The following ZNF236 variants were observed in gnomAD, a reference collection of about 807,000 sequenced individuals.
ZNF236 encodes the protein regulated by glucose.
ZNF236 carries 50 observed loss-of-function variants against 191.2 expected under a neutral mutation model. The observed-to-expected ratio is 0.26, with a 90% CI of 0.21 to 0.33. The LOEUF is 0.33. Among genes scored for constraint, ZNF236 ranks in the 10% least tolerant of loss-of-function variants. ZNF236 has a pLI of 1.00. For synonymous variants in ZNF236, 907 were observed against 928.8 expected (o/e 0.98, Z 0.43); for missense variants, 1,754 against 2,374.5 (o/e 0.74, Z 5.43).
At chr18:76,908,694 G>A in intron 14 of ZNF236, 121 bp downstream of exon 14, 1 of 1,268,676 alleles carries the variant, frequency 7.9e-7, no homozygotes, top group Non-Finnish European at 1.1e-6. Flanking sequence ...TGCTGTATGT[G>A]AAAGAGATTG....
chr18:76,964,647 C>T (rs1968732855), intron 30 of ZNF236, among the ~76,000 whole-genome samples: 4 of 152,122 alleles, frequency 2.6e-5, no homozygotes, highest in Admixed American at 2.0e-4. Context: ...CTGTCTAGTG[C>T]TGTCAGTGGA....
chr18:76,966,937 A>AT (rs1457839441), intron 30 of ZNF236, among the ~76,000 whole-genome samples: 1 of 152,112 alleles, frequency 6.6e-6, no homozygotes, highest in African/African-American at 2.4e-5. Flanking sequence ...TGCTCCATGC[A>AT]TTTTGCGGGT....
chr18:76,889,445 T>G lies in ZNF236; in HGVS notation c.1418-5568T>G, dbSNP rs1307761043. On this transcript the variant is annotated intron_variant, in intron 9 of 30. Transcript: ENST00000320610. The stretch of plus-strand genomic sequence containing the variant: ...TACCTTTTGATGCCTGGCATGGTGC[T>G]TGGCACTTGTCATGCTGTGCTTGAA... Among the ~76,000 whole-genome samples the G allele has an allele frequency of 2.0e-5, 3 of 152,216 alleles. No individual in the cohort carries two copies. In the East Asian group the frequency reaches 5.8e-4, roughly 29 times the overall value.
chr18:76,901,126 C>A (rs1237662807), intron 11 of ZNF236, among the ~76,000 whole-genome samples: 1 of 152,028 alleles, frequency 6.6e-6, no homozygotes, highest in African/African-American at 2.4e-5. Flanking sequence ...GCTTGAGGAC[C>A]CCTTAATTAA....
chr18:76,960,788 C>T lies in ZNF236; in HGVS notation c.5352C>T (p.Tyr1784=). The T allele has an allele frequency of 6.2e-7, 1 of 1,614,180 alleles. No individual in the cohort carries two copies. The change falls in exon 30 of 31, where the codon TAC becomes TAT. Residue 1784 remains tyrosine, a synonymous_variant. Coordinates refer to ENST00000320610, the MANE Select transcript of ZNF236 (RefSeq NM_001306089.2). The surrounding 1 kb of genome is among the most constrained non-coding windows in gnomAD (Gnocchi z 4.4). ...HTGERPYKCA[Y]CVMGFTQKSN... is the part of the protein sequence containing the mutation. The stretch of plus-strand genomic sequence containing the variant: ...GGGAGCGGCCCTACAAGTGTGCCTA[C>T]TGCGTCATGGGCTTCACGCAGAAGA...
intron 30 of ZNF236, among the ~76,000 whole-genome samples, chr18:76,966,248 C>T (rs1446489942): frequency 1.3e-5 from 2 of 152,138 alleles, no homozygotes; most frequent in Non-Finnish European, 2.9e-5. Flanking sequence ...GCCTCCCATC[C>T]GCCATGATCT....
At chr18:76,840,651 A>C (rs1599318843) in intron 1 of ZNF236, among the ~76,000 whole-genome samples, 1 of 96,186 alleles carries the variant, frequency 1.0e-5, no homozygotes, top group Admixed American at 1.5e-4. Context: ...TTTGAGACGG[A>C]GTCTTGCTCT....
At chr18:76,839,249 G>A (rs1395124047) in intron 1 of ZNF236, among the ~76,000 whole-genome samples, 1 of 152,176 alleles carries the variant, frequency 6.6e-6, no homozygotes, top group Non-Finnish European at 1.5e-5. Flanking sequence ...ACCTAGGAGT[G>A]GAACTGCTGG....
intron 26 of ZNF236, among the ~76,000 whole-genome samples, chr18:76,941,525 CTGGCATCCAGGA>C (rs1759374669): frequency 6.6e-6 from 1 of 152,180 alleles, no homozygotes; most frequent in Non-Finnish European, 1.5e-5. Flanking sequence ...GCTCCTGTGC[CTGGCATCCAGGA>C]TGTGCCTGCA....
Position 76,968,799 on chromosome 18 carries a change from A to G in ZNF236, c.*460A>G, listed in dbSNP as rs1332273924. The stretch of plus-strand genomic sequence containing the variant: ...CATGAAGTTCAGAAAAAAAAGTGTT[A>G]CAACACACAGGGAAGTTTTTTCCAC... On this transcript the variant is annotated 3_prime_UTR_variant, in exon 31 of 31. Coordinates refer to ENST00000320610, the MANE Select transcript of ZNF236 (RefSeq NM_001306089.2). 3.0e-6 allele frequency: 3 copies of G among 989,884 alleles called. No individual in the cohort carries two copies. The highest frequency in any genetic ancestry group is 1.7e-5 in the African/African-American group (1 of 57,272). 61.3% of individuals were successfully genotyped at this position (989,884 alleles called of 1,614,324 possible). A position where few individuals can be genotyped will look rare whatever the true frequency, so the allele number is the denominator to read the frequency against.
At chr18:76,951,386 G>A (rs968292609) in intron 27 of ZNF236, among the ~76,000 whole-genome samples, 2 of 152,318 alleles carry the variant, frequency 1.3e-5, no homozygotes, top group Admixed American at 1.3e-4. Context: ...ACTTGCTGCA[G>A]CTTCTCCAGC....
At chr18:76,884,404 A>C (rs1976989815) in intron 9 of ZNF236, among the ~76,000 whole-genome samples, 1 of 151,884 alleles carries the variant, frequency 6.6e-6, no homozygotes, top group Non-Finnish European at 1.5e-5. Context: ...CCATCTCAAA[A>C]AAAAAAAAAA....
chr18:76,968,369 T>C lies in ZNF236; in HGVS notation c.*30T>C, dbSNP rs767374398. On this transcript the variant is annotated 3_prime_UTR_variant, in exon 31 of 31. Transcript: ENST00000320610. ...AGTTGGAAGTACACCTTTAAGAATG[T>C]TTCTGAAGTTACGTTTTGTGAAGAG... 31 of 1,585,950 alleles carry C rather than the reference T, an allele frequency of 2.0e-5. No individual in the cohort carries two copies. The highest frequency in any genetic ancestry group is 2.6e-5 in the Non-Finnish European group (30 of 1,172,746).
rs536810474 is a variant in ZNF236 at position 76,972,036 on chromosome 18, G to A, written c.*3697G>A. Among the ~76,000 whole-genome samples, 5 of 152,266 alleles carry A rather than the reference G, an allele frequency of 3.3e-5. No homozygotes were observed. Among genetic ancestry groups the A allele is most frequent in the African/African-American group, 7.2e-5 (3 of 41,558 alleles). ...TGAGGCAGAGATGAGATTATGCGGC[G>A]GATACTTCTGAAGGAAGCGTTCTTT... On this transcript the variant is annotated 3_prime_UTR_variant, in exon 31 of 31. Coordinates refer to ENST00000320610, the MANE Select transcript of ZNF236 (RefSeq NM_001306089.2).
intron 19 of ZNF236, 131 bp downstream of exon 19, chr18:76,915,990 T>C (rs2122786537): frequency 1.3e-6 from 1 of 769,988 alleles, no homozygotes; most frequent in East Asian, 2.7e-5. Flanking sequence ...GAGTTTTTAA[T>C]AATTTTATTT....
intron 25 of ZNF236, among the ~76,000 whole-genome samples, chr18:76,935,210 T>C (rs1270405302): frequency 6.6e-6 from 1 of 152,238 alleles, no homozygotes; most frequent in Non-Finnish European, 1.5e-5. Flanking sequence ...TTTTTTCTGC[T>C]CTAGTCATGT....
chr18:76,876,699 G>A (rs139466978), intron 6 of ZNF236, among the ~76,000 whole-genome samples: 36 of 152,270 alleles, frequency 2.4e-4, no homozygotes, highest in African/African-American at 6.7e-4. Flanking sequence ...TTTAGATTTC[G>A]GAAGAATAAA....
At chr18:76,897,745 A>G (rs17060026) in intron 10 of ZNF236, among the ~76,000 whole-genome samples, 2,095 of 152,014 alleles carry the variant, frequency 0.014, 47 homozygotes, top group African/African-American at 0.047. Flanking sequence ...TACCAAACAC[A>G]GTGCCACACA....
intron 1 of ZNF236, among the ~76,000 whole-genome samples, chr18:76,830,540 C>G (rs1975141628): frequency 6.6e-6 from 1 of 152,090 alleles, no homozygotes; most frequent in South Asian, 2.1e-4. Flanking sequence ...TTGCCTCTCC[C>G]CGGAGATTCA....
Sources: allele counts gnomAD v4.1 joint callset (sites outside exome capture counted in the v4.1 genomes callset), GRCh38; gene constraint gnomAD v4.1.1; non-coding constraint Gnocchi (gnomAD v3.1); transcripts MANE v1.5; gene names NCBI Gene and HGNC (gene_info 2026-07-23, HGNC 2026-07-21).